Variants in TRDN observed in about 807,000 individuals in gnomAD.
TRDN encodes the protein triadin.
In TRDN, 161 loss-of-function variants were observed where a neutral mutation model predicts 149.7. The ratio of observed to expected loss-of-function variants is 1.08; its 90% confidence interval spans 0.95 to 1.23. The LOEUF is 1.23. Ranked by LOEUF, TRDN falls within the 50% of genes most tolerant of loss-of-function variation. TRDN has a pLI of 0.00. For missense variants in TRDN, 896 were observed against 823.5 expected (o/e 1.09, Z -1.08); for synonymous variants, 294 against 250.5 (o/e 1.17, Z -1.64).
intron 24 of TRDN, among the ~76,000 whole-genome samples, chr6:123,294,227 C>T (rs1422029194): frequency 6.6e-6 from 1 of 152,260 alleles, no homozygotes; most frequent in African/African-American, 2.4e-5. Flanking sequence ...TATGAGAAAG[C>T]TACCTGGTTA....
Position 123,233,127 on chromosome 6 carries a change from A to C in TRDN, c.1976-8996T>G, listed in dbSNP as rs370781087. Among the ~76,000 whole-genome samples the C allele has an allele frequency of 2.0e-5, 3 of 152,188 alleles. No homozygotes were observed. The East Asian group carries it at 5.8e-4, about 30-fold the overall frequency. On this transcript the variant is annotated intron_variant, in intron 38 of 40. Transcript: ENST00000334268. The stretch of plus-strand genomic sequence containing the variant: ...ACCCAAAGCTCCAAATTATTTTCTC[A>C]ACTAACTGGCCAAATTGTGTGTAAC...
intron 23 of TRDN, among the ~76,000 whole-genome samples, chr6:123,321,362 G>A (rs368206002): frequency 4.6e-5 from 7 of 151,766 alleles, no homozygotes; most frequent in African/African-American, 1.2e-4. Flanking sequence ...AATACAATAC[G>A]TATTTTAAAA....
chr6:123,590,779 ATAG>A (rs972635088), intron 1 of TRDN, among the ~76,000 whole-genome samples: 8 of 152,028 alleles, frequency 5.3e-5, no homozygotes, highest in Admixed American at 3.3e-4. Flanking sequence ...AATAATAATG[ATAG>A]TAGTAATAAT....
At chr6:123,516,278 T>C (rs1289063055) in intron 5 of TRDN, 72 bp from the exon 6 acceptor site, 4 of 1,324,700 alleles carry the variant, frequency 3.0e-6, no homozygotes, top group Non-Finnish European at 3.9e-6. Context: ...CACGGCAGTC[T>C]TTGATGTCAA....
chr6:123,233,137 C>T (rs1369528793), intron 38 of TRDN, among the ~76,000 whole-genome samples: 1 of 152,028 alleles, frequency 6.6e-6, no homozygotes, highest in Non-Finnish European at 1.5e-5. Flanking sequence ...AACTAACTGG[C>T]CAAATTGTGT....
At chr6:123,538,666 T>A (rs12210460) in intron 4 of TRDN, among the ~76,000 whole-genome samples, 5,636 of 152,222 alleles carry the variant, frequency 0.037, 168 homozygotes, top group Non-Finnish European at 0.052. Context: ...TTATTTTGGA[T>A]CTTTATTTTA....
At chr6:123,584,455 G>A (rs1221349828) in intron 1 of TRDN, among the ~76,000 whole-genome samples, 1 of 152,026 alleles carries the variant, frequency 6.6e-6, no homozygotes, top group Non-Finnish European at 1.5e-5. Flanking sequence ...GTGCGGTCCT[G>A]GCTCTTGTGT....
chr6:123,390,102 C>T (rs1782050817), intron 13 of TRDN, among the ~76,000 whole-genome samples: 1 of 152,064 alleles, frequency 6.6e-6, no homozygotes, highest in African/African-American at 2.4e-5. Context: ...AAATTACCCC[C>T]TCGAAGGAGC....
chr6:123,264,040 T>A (rs548222743), intron 33 of TRDN, among the ~76,000 whole-genome samples: 9 of 152,170 alleles, frequency 5.9e-5, no homozygotes, highest in African/African-American at 2.2e-4. Flanking sequence ...ACGAGGAGAT[T>A]AATATTGCTT....
chr6:123,307,824 C>T (rs1289809807), intron 24 of TRDN, among the ~76,000 whole-genome samples: 3 of 151,890 alleles, frequency 2.0e-5, no homozygotes, highest in Admixed American at 2.0e-4. Flanking sequence ...GTTCTCGGTT[C>T]TTTTCTTTTT....
rs187241972 is a variant in TRDN, at chr6:123,443,221, A to G, written c.932-4218T>C. 2.9e-3 allele frequency among the ~76,000 whole-genome samples: 429 copies of G among 149,144 alleles called. 1 individual carries two copies. Among genetic ancestry groups the G allele is most frequent in the South Asian group, 3.8e-3 (18 of 4,788 alleles). ...AAATGAATATGTATGTATATAATAT[A>G]TATATACATATACATATTATATATA... is the stretch of plus-strand genomic sequence containing the variant. On this transcript the variant is annotated intron_variant, in intron 10 of 40. Coordinates refer to ENST00000334268, the MANE Select transcript of TRDN (RefSeq NM_006073.4).
chr6:123,486,140 C>T (rs1322970953), intron 9 of TRDN, among the ~76,000 whole-genome samples: 5 of 152,016 alleles, frequency 3.3e-5, no homozygotes, highest in African/African-American at 4.8e-5. Flanking sequence ...ACTTAAATTA[C>T]GGTAAATGAA....
intron 1 of TRDN, among the ~76,000 whole-genome samples, chr6:123,609,299 G>GA (rs1406087697): frequency 6.6e-6 from 1 of 152,014 alleles, no homozygotes; most frequent in Non-Finnish European, 1.5e-5. Flanking sequence ...TTACTGATAG[G>GA]AAAAAATTCA....
chr6:123,351,131 A>G (rs996923898), intron 21 of TRDN: 1 of 984,704 alleles, frequency 1.0e-6, no homozygotes, highest in Non-Finnish European at 1.2e-6. Flanking sequence ...CTTTTATACT[A>G]GAGGGGGAAA....
chr6:123,388,078 G>A, intron 14 of TRDN, among the ~76,000 whole-genome samples: 1 of 145,764 alleles, frequency 6.9e-6, no homozygotes, highest in Non-Finnish European at 1.5e-5. Flanking sequence ...AGAAAAAATA[G>A]AACAAAAAAA....
chr6:123,270,928 TCTAG>T (rs1035066906), intron 30 of TRDN, among the ~76,000 whole-genome samples: 4 of 152,002 alleles, frequency 2.6e-5, no homozygotes, highest in African/African-American at 4.8e-5. Context: ...GTTATGCTAC[TCTAG>T]CTATTATTTT....
At chr6:123,520,018 T>TA (rs980709824) in intron 5 of TRDN, among the ~76,000 whole-genome samples, 1 of 152,070 alleles carries the variant, frequency 6.6e-6, no homozygotes, top group South Asian at 2.1e-4. Context: ...TTTAAACCCT[T>TA]AAAAAAATTC....
chr6:123,485,555 A>G (rs1383566327), intron 9 of TRDN, among the ~76,000 whole-genome samples: 1 of 152,166 alleles, frequency 6.6e-6, no homozygotes, highest in East Asian at 1.9e-4. Context: ...CTAGGGAGAG[A>G]ATAATAATGC....
Position 123,331,893 on chromosome 6 carries a change from G to A in TRDN, c.1457C>T (p.Ser486Phe), listed in dbSNP as rs1272823526. 1.3e-6 allele frequency: 2 copies of A among 1,545,532 alleles called. No individual in the cohort carries two copies. The highest frequency in any genetic ancestry group is 1.4e-5 in the African/African-American group (1 of 73,300). ...TATAATATTACCTTTTTCCTTTAGG[G>A]AAGCTGGAACTTTCTCTTCTTTCCC... ...IKGKEEKVPA[S>F]LKEKEPETKK... The change falls in exon 23 of 41, where the codon TCC becomes TTC. Residue 486 changes from serine (S) to phenylalanine (F), a missense_variant. Ser to Phe is a radical substitution (Grantham distance 155, BLOSUM62 -2). Transcript: ENST00000334268.
Sources: gnomAD v4.1 joint callset for allele counts (sites outside exome capture counted in the v4.1 genomes callset) on GRCh38, gnomAD v4.1.1 for gene constraint, MANE v1.5 for transcripts, NCBI Gene and HGNC (gene_info 2026-07-23, HGNC 2026-07-21) for gene names.